CNBD1: variants seen among roughly 807,000 people sequenced by gnomAD.
CNBD1 encodes cyclic nucleotide-binding domain-containing protein 1.
Under a neutral mutation model 54.4 loss-of-function variants are expected in CNBD1, and 71 were observed. The ratio of observed to expected loss-of-function variants is 1.30; its 90% CI spans 1.08 to 1.59. The LOEUF (loss-of-function observed/expected upper bound fraction) is 1.59, where lower values mean the gene tolerates loss of function less well. Ranked by LOEUF, CNBD1 falls within the 40% of genes most tolerant of loss-of-function variation. The pLI, the probability that CNBD1 is intolerant of heterozygous loss-of-function variation, is 0.00. For synonymous variants in CNBD1, 182 were observed against 170.7 expected (o/e 1.07, Z -0.51); for missense variants, 659 against 518.0 (o/e 1.27, Z -2.64).
At chr8:87,234,907 A>G (rs1004339304) in intron 5 of CNBD1, among the ~76,000 whole-genome samples, 6 of 152,222 alleles carry the variant, frequency 3.9e-5, no homozygotes, top group African/African-American at 1.4e-4. Flanking sequence ...TGTTTCATCT[A>G]CATTGAAAAT....
chr8:87,085,385 C>CATGTAT lies in CNBD1; in HGVS notation c.432-120594_432-120589dup, dbSNP rs1287952532. Among the ~76,000 whole-genome samples the CATGTAT allele has an allele frequency of 1.2e-4, 18 of 151,954 alleles. No individual in the cohort carries two copies. The East Asian group carries it at 2.1e-3, about 18-fold the overall frequency. On this transcript the variant is annotated intron_variant, in intron 4 of 10. Coordinates refer to ENST00000518476, the MANE Select transcript of CNBD1 (RefSeq NM_173538.3). ...TGATGGTATGTATAAGATACATACA[C>CATGTAT]ATGTATATGTATATGTATACATATA...
chr8:87,390,728 A>G (rs577638457), intron 2 of CNBD1, among the ~76,000 whole-genome samples: 70 of 152,304 alleles, frequency 4.6e-4, no homozygotes, highest in South Asian at 2.3e-3. Context: ...TGACCCAGCC[A>G]TCCCATTACT....
At chr8:87,202,305 T>G (rs772662405) in intron 4 of CNBD1, among the ~76,000 whole-genome samples, 1 of 152,104 alleles carries the variant, frequency 6.6e-6, no homozygotes, top group Non-Finnish European at 1.5e-5. Context: ...ACCAAATTGA[T>G]AGAAAACATA....
At chr8:86,978,927 T>C (rs1808406080) in intron 4 of CNBD1, among the ~76,000 whole-genome samples, 1 of 152,174 alleles carries the variant, frequency 6.6e-6, no homozygotes, top group Admixed American at 6.5e-5. Flanking sequence ...TGCCACAGTC[T>C]AGGCATATTT....
intron 4 of CNBD1, among the ~76,000 whole-genome samples, chr8:87,048,737 T>C (rs1810252331): frequency 6.6e-6 from 1 of 152,212 alleles, no homozygotes; most frequent in African/African-American, 2.4e-5. Flanking sequence ...CCCTTACTTT[T>C]GGCACATGGG....
chr8:87,335,276 G>T (rs1267870507), intron 8 of CNBD1, among the ~76,000 whole-genome samples: 7 of 152,088 alleles, frequency 4.6e-5, no homozygotes, highest in Admixed American at 1.3e-4. Context: ...TTTCTGTCTT[G>T]TTAATCTGTC....
chr8:87,020,340 C>T (rs2130575434), intron 4 of CNBD1, among the ~76,000 whole-genome samples: 1 of 152,084 alleles, frequency 6.6e-6, no homozygotes, highest in East Asian at 1.9e-4. Context: ...AAAACTATTA[C>T]CACCAATCAG....
intron 4 of CNBD1, among the ~76,000 whole-genome samples, chr8:87,195,379 C>T (rs369387753): frequency 6.6e-6 from 1 of 151,386 alleles, no homozygotes; most frequent in Admixed American, 6.6e-5. Flanking sequence ...CAGGTGCATG[C>T]CATCACACCT....
At chr8:87,233,634 C>A (rs1490665273) in intron 5 of CNBD1, among the ~76,000 whole-genome samples, 1 of 151,536 alleles carries the variant, frequency 6.6e-6, no homozygotes, top group Non-Finnish European at 1.5e-5. Context: ...GCAGCAAATT[C>A]TCTCTCTCTC....
At position 87,329,045 on chromosome 8, in the gene CNBD1, T is replaced by C. The variant is rs186017090; in HGVS notation, c.1043-22640T>C. On this transcript the variant is annotated intron_variant, in intron 8 of 10. Coordinates refer to ENST00000518476, the MANE Select transcript of CNBD1 (RefSeq NM_173538.3). ...TTTTATACTTTTCTCCTAGGAGTTT[T>C]ATTTTTTTTTATTTTAAATTTAGGT... Among the ~76,000 whole-genome samples, 509 of 126,870 alleles carry C rather than the reference T, an allele frequency of 4.0e-3. 2 individuals carry two copies. Among genetic ancestry groups the C allele is most frequent in the African/African-American group, 0.012 (435 of 35,230 alleles). 83.2% of individuals were successfully genotyped at this position (126,870 alleles called of 152,430 possible).
chr8:87,268,520 A>T (rs929877117), intron 6 of CNBD1, among the ~76,000 whole-genome samples: 3 of 152,018 alleles, frequency 2.0e-5, no homozygotes, highest in Non-Finnish European at 4.4e-5. Context: ...TCATTGAGGA[A>T]TCCCTACACT....
intron 4 of CNBD1, among the ~76,000 whole-genome samples, chr8:87,040,354 T>G (rs1440957285): frequency 6.6e-6 from 1 of 152,230 alleles, no homozygotes; most frequent in African/African-American, 2.4e-5. Flanking sequence ...AGTTACAATT[T>G]TGCAATGGTG....
intron 4 of CNBD1, among the ~76,000 whole-genome samples, chr8:86,968,568 C>A (rs974922928): frequency 3.9e-5 from 6 of 152,130 alleles, no homozygotes; most frequent in Non-Finnish European, 8.8e-5. Context: ...CAGGTCTATG[C>A]CTTTCTCCAA....
intron 4 of CNBD1, among the ~76,000 whole-genome samples, chr8:87,133,846 G>A (rs1240783138): frequency 6.6e-6 from 1 of 152,044 alleles, no homozygotes; most frequent in Non-Finnish European, 1.5e-5. Flanking sequence ...TTGAGAGAAT[G>A]GGGAAGCTAT....
chr8:87,419,384 A>C, intron 2 of CNBD1, among the ~76,000 whole-genome samples: 1 of 151,932 alleles, frequency 6.6e-6, no homozygotes, highest in East Asian at 1.9e-4. Flanking sequence ...ATGGTTCCAC[A>C]GTTGTATGAA....
At chr8:87,394,560 T>C (rs1341547035) in intron 2 of CNBD1, among the ~76,000 whole-genome samples, 1 of 151,974 alleles carries the variant, frequency 6.6e-6, no homozygotes, top group Non-Finnish European at 1.5e-5. Context: ...ATTATTCCTG[T>C]TGTTTTATCT....
intron 8 of CNBD1, among the ~76,000 whole-genome samples, chr8:87,321,259 T>A (rs989394284): frequency 1.3e-5 from 2 of 152,164 alleles, no homozygotes; most frequent in African/African-American, 2.4e-5. Context: ...TTCATACTGT[T>A]TTCCATAATA....
chr8:87,405,083 G>T (rs962028837), intron 2 of CNBD1, among the ~76,000 whole-genome samples: 5 of 151,898 alleles, frequency 3.3e-5, no homozygotes, highest in African/African-American at 4.8e-5. Flanking sequence ...TCATTCATTT[G>T]GAAAGAAAAT....
At chr8:87,107,455 C>A (rs930873073) in intron 4 of CNBD1, among the ~76,000 whole-genome samples, 1 of 152,184 alleles carries the variant, frequency 6.6e-6, no homozygotes, top group African/African-American at 2.4e-5. Flanking sequence ...ATAAGACGTC[C>A]TCAGAGAGCC....
Sources: allele counts gnomAD v4.1 joint callset (sites outside exome capture counted in the v4.1 genomes callset), GRCh38; gene constraint gnomAD v4.1.1; transcripts MANE v1.5; gene names NCBI Gene and HGNC (gene_info 2026-07-23, HGNC 2026-07-21).